Variants in N4BP1 observed in about 807,000 individuals in gnomAD.
N4BP1 encodes the protein NEDD4-binding protein 1.
In N4BP1, 21 loss-of-function variants were observed where a neutral mutation model predicts 70.9. The ratio of observed to expected loss-of-function variants is 0.30; its 90% confidence interval spans 0.21 to 0.43. The LOEUF (loss-of-function observed/expected upper bound fraction) is 0.43, where lower values mean the gene tolerates loss of function less well. Ranked by LOEUF, N4BP1 falls within the 20% of genes least tolerant of loss-of-function variation. The pLI is 1.00. For synonymous variants in N4BP1, 387 were observed against 394.6 expected (o/e 0.98, Z 0.23); for missense variants, 936 against 1,069.4 (o/e 0.88, Z 1.74).
rs1963861312 is a variant in N4BP1, at chr16:48,561,766, T to A, written c.877A>T (p.Arg293Trp). The change falls in exon 2 of 7, where the codon AGG becomes TGG. Residue 293 changes from arginine (R) to tryptophan (W), a missense_variant. Arg to Trp is a moderately radical substitution (Grantham distance 101). Transcript: ENST00000262384. ...AAAGAAAACTGCTTCTTCGTATGCC[T>A]TTCTTCAGAATCAGAAAATCTCCTT... ...QKRRFSDSEERHTKKQFSLEN... is the reference protein window; with the variant it reads ...QKRRFSDSEEWHTKKQFSLEN... The A allele has an allele frequency of 6.2e-7, 1 of 1,612,798 alleles. No individual in the cohort carries two copies. Among genetic ancestry groups the A allele is most frequent in the Non-Finnish European group, 8.5e-7 (1 of 1,179,876 alleles).
chr16:48,550,442 G>C (rs1313635946), intron 4 of N4BP1, among the ~76,000 whole-genome samples: 17 of 152,056 alleles, frequency 1.1e-4, no homozygotes, highest in Non-Finnish European at 2.9e-5. Flanking sequence ...TAGAACCTGA[G>C]AGGCGGAGGT....
chr16:48,609,819 A>G lies in N4BP1; in HGVS notation c.154T>C (p.Trp52Arg). 1 of 1,486,312 alleles carries G rather than the reference A, an allele frequency of 6.7e-7. No individual in the cohort carries two copies. The highest frequency in any genetic ancestry group is 8.9e-7 in the Non-Finnish European group (1 of 1,123,140). The allele number at this position is 1,486,312 out of a possible 1,614,324, so 92.1% of individuals were successfully genotyped here. ...TCCTGCGCCCCGCAGAGCTGCAGCCAGATGCGCGCGGGCAGCGGCTCCTCA... is the reference window on the plus strand; with the variant it reads ...TCCTGCGCCCCGCAGAGCTGCAGCCGGATGCGCGCGGGCAGCGGCTCCTCA... ...GAEEPLPARI[W>R]LQLCGAQEAV... Residue 52 changes from tryptophan (W) to arginine (R), a missense_variant, in exon 1 of 7, where the codon TGG becomes CGG. Around this residue, in one of 4 missense-constraint regions of N4BP1, gnomAD observed 187 missense variants for 217.1 expected, o/e 0.86. Coordinates refer to ENST00000262384, the MANE Select transcript of N4BP1 (RefSeq NM_153029.4).
chr16:48,553,432 A>C, intron 3 of N4BP1, 107 bp downstream of exon 3: 1 of 1,142,024 alleles, frequency 8.8e-7, no homozygotes, highest in East Asian at 2.9e-5. Flanking sequence ...TTATTTTTAA[A>C]GCCGCTGCCT....
rs543729996 is a variant in N4BP1 at position 48,552,570 on chromosome 16, T to C, written c.2020+969A>G. 2.2e-4 allele frequency among the ~76,000 whole-genome samples: 33 copies of C among 151,330 alleles called. No individual in the cohort carries two copies. The East Asian group carries it at 6.4e-3, about 30-fold the overall frequency. On this transcript the variant is annotated intron_variant, in intron 3 of 6. Transcript: ENST00000262384. ...AAAATTAGCCGGGCGTGGTGGTGCGTGCCTGCAGTCCCAGCTACTCGGGAG... is the reference window on the plus strand; with the variant it reads ...AAAATTAGCCGGGCGTGGTGGTGCGCGCCTGCAGTCCCAGCTACTCGGGAG...
chr16:48,551,336 GCTC>G (rs765988547), intron 4 of N4BP1, 47 bp downstream of exon 4: 1 of 1,451,048 alleles, frequency 6.9e-7, no homozygotes, highest in Non-Finnish European at 9.7e-7. Flanking sequence ...CAGGTGGCTG[GCTC>G]CTCACCACCC....
intron 1 of N4BP1, among the ~76,000 whole-genome samples, chr16:48,565,111 T>C (rs1488775571): frequency 6.6e-6 from 1 of 152,226 alleles, no homozygotes; most frequent in Non-Finnish European, 1.5e-5. Context: ...GACAATTGTA[T>C]CATCTACAAA....
chr16:48,597,436 T>C (rs754396475), intron 1 of N4BP1, among the ~76,000 whole-genome samples: 1 of 152,220 alleles, frequency 6.6e-6, no homozygotes, highest in Admixed American at 6.5e-5. Flanking sequence ...CCGAAAGTCA[T>C]GTAGCAGTAG....
intron 2 of N4BP1, among the ~76,000 whole-genome samples, chr16:48,555,357 C>T (rs1963734853): frequency 6.6e-6 from 1 of 152,214 alleles, no homozygotes; most frequent in Admixed American, 6.5e-5. Context: ...TTCCACGACC[C>T]CACAGTGGGA....
chr16:48,609,659 G>T, intron 1 of N4BP1, 116 bp downstream of exon 1: 1 of 923,466 alleles, frequency 1.1e-6, no homozygotes, highest in Non-Finnish European at 1.4e-6. Context: ...TGGCTCCCGA[G>T]ACTGCGTTCC....
At chr16:48,563,075 C>T (rs1361185288) in intron 1 of N4BP1, among the ~76,000 whole-genome samples, 1 of 151,950 alleles carries the variant, frequency 6.6e-6, no homozygotes, top group Non-Finnish European at 1.5e-5. Context: ...AAATGCAGAT[C>T]TAACAGAACA....
chr16:48,559,577 T>C (rs191766366), intron 2 of N4BP1: 1 of 152,260 alleles, frequency 6.6e-6, no homozygotes, highest in Non-Finnish European at 1.5e-5. Context: ...TAAAAAAAAA[T>C]GGCTGAGTCT....
chr16:48,582,741 G>C (rs994702174), intron 1 of N4BP1, among the ~76,000 whole-genome samples: 1 of 152,130 alleles, frequency 6.6e-6, no homozygotes, highest in African/African-American at 2.4e-5. Flanking sequence ...CAAGGTTTTA[G>C]GTATCTACTG....
At chr16:48,600,991 A>C (rs1275612357) in intron 1 of N4BP1, among the ~76,000 whole-genome samples, 1 of 152,246 alleles carries the variant, frequency 6.6e-6, no homozygotes, top group Non-Finnish European at 1.5e-5. Context: ...AAAATAAAAT[A>C]TTATTTGCAG....
At chr16:48,596,264 C>G (rs934796177) in intron 1 of N4BP1, among the ~76,000 whole-genome samples, 1 of 152,156 alleles carries the variant, frequency 6.6e-6, no homozygotes, top group African/African-American at 2.4e-5. Flanking sequence ...TAATGCTTAA[C>G]TGGAATTTGC....
intron 1 of N4BP1, among the ~76,000 whole-genome samples, chr16:48,567,023 A>C (rs1963952468): frequency 6.6e-6 from 1 of 152,192 alleles, no homozygotes; most frequent in African/African-American, 2.4e-5. Flanking sequence ...TTGACAATCC[A>C]GCTTTCTTTT....
At chr16:48,604,560 T>C (rs1171165280) in intron 1 of N4BP1, among the ~76,000 whole-genome samples, 7 of 131,290 alleles carry the variant, frequency 5.3e-5, no homozygotes, top group African/African-American at 2.3e-4. Context: ...AAAGCTCAGG[T>C]CAAAAAAACA....
chr16:48,558,576 G>C (rs779201614), intron 2 of N4BP1, among the ~76,000 whole-genome samples: 1 of 152,184 alleles, frequency 6.6e-6, no homozygotes, highest in African/African-American at 2.4e-5. Flanking sequence ...TTTATAAAAA[G>C]CATCAGGATC....
intron 1 of N4BP1, among the ~76,000 whole-genome samples, chr16:48,596,882 C>T (rs926310847): frequency 3.9e-5 from 6 of 152,152 alleles, no homozygotes; most frequent in Admixed American, 3.3e-4. Flanking sequence ...CAAATTGCTC[C>T]TGGGGATAAC....
intron 1 of N4BP1, among the ~76,000 whole-genome samples, chr16:48,583,756 T>C (rs1463951013): frequency 2.0e-5 from 3 of 152,228 alleles, no homozygotes; most frequent in African/African-American, 7.2e-5. Flanking sequence ...ATGAGTTACC[T>C]GTCTGAAAGT....
Sources: allele counts gnomAD v4.1 joint callset (sites outside exome capture counted in the v4.1 genomes callset), GRCh38; gene constraint gnomAD v4.1.1; regional missense constraint gnomAD v4.1.1; transcripts MANE v1.5; gene names NCBI Gene and HGNC (gene_info 2026-07-23, HGNC 2026-07-21).